The following TARBP1 variants were observed in gnomAD, a reference collection of about 807,000 sequenced individuals.
TARBP1 encodes the protein tRNA (guanosine(18)-2'-O)-methyltransferase TARBP1.
TARBP1 carries 144 observed loss-of-function variants against 178.6 expected under a neutral mutation model. The observed-to-expected ratio is 0.81, with a 90% CI of 0.70 to 0.93. The LOEUF is 0.93. TARBP1 is among the 40% of genes least tolerant of loss of function. The probability of loss-of-function intolerance (pLI) is 0.00; values close to 1 mark genes in which losing one functional copy is unlikely to be tolerated. For missense variants in TARBP1, 2,067 were observed against 2,011.7 expected (o/e 1.03, Z -0.53); for synonymous variants, 787 against 781.0 (o/e 1.01, Z -0.13).
At position 234,460,281 on chromosome 1, in the gene TARBP1, T is replaced by G; in HGVS notation, c.1515A>C (p.Ile505=). 6.2e-7 allele frequency: 1 copy of G among 1,614,082 alleles called. No individual in the cohort carries two copies. Residue 505 remains isoleucine, a synonymous_variant, in exon 7 of 30, where the codon ATA becomes ATC. Transcript: ENST00000040877. Reference sequence around the variant, plus strand: ...ATTACCTGAGAGCAAGAAGCCCATCTATACCCAGGGCCTTATGTCTTGGGA... The same window carrying G: ...ATTACCTGAGAGCAAGAAGCCCATCGATACCCAGGGCCTTATGTCTTGGGA... The part of the protein sequence containing the change: ...ANVPRHKALG[I]DGLLALRDVI...
At chr1:234,476,935 C>T (rs760485877) in intron 1 of TARBP1, among the ~76,000 whole-genome samples, 5 of 152,210 alleles carry the variant, frequency 3.3e-5, no homozygotes, top group Non-Finnish European at 5.9e-5. Context: ...CCTGTAATCC[C>T]AGCGCTTTGG....
intron 14 of TARBP1, among the ~76,000 whole-genome samples, chr1:234,432,716 C>T (rs945647609): frequency 9.3e-5 from 14 of 150,328 alleles, no homozygotes; most frequent in African/African-American, 3.5e-4. Context: ...AGGACACATG[C>T]TTGTGATTTG....
intron 9 of TARBP1, among the ~76,000 whole-genome samples, 188 bp from the exon 10 acceptor site, chr1:234,450,754 ATATT>A (rs1405603743): frequency 6.8e-4 from 102 of 150,618 alleles, no homozygotes; most frequent in Middle Eastern, 6.8e-3. Context: ...ATGTGTATAT[ATATT>A]TATGTATGCG....
intron 24 of TARBP1, among the ~76,000 whole-genome samples, chr1:234,403,358 A>G (rs534283239): frequency 6.6e-6 from 1 of 152,264 alleles, no homozygotes; most frequent in East Asian, 1.9e-4. Context: ...TTTAGATTTT[A>G]ATGTAAACAT....
rs960618970 is a variant in TARBP1, at chr1:234,425,682, T to C, written c.3435A>G (p.Leu1145=). The change falls in exon 20 of 30, where the codon CTA becomes CTG. Residue 1145 remains leucine (L), a synonymous_variant. Transcript: ENST00000040877. ...KLFIEDLAIK[L]LDKDELVSKS... ...AGTAAAATACACTTACTTTATCTAA[T>C]AGCTTGATTGCAAGATCCTCAATAA... 3.7e-6 allele frequency: 6 copies of C among 1,611,810 alleles called. No homozygotes were observed. The highest frequency in any genetic ancestry group is 4.2e-6 in the Non-Finnish European group (5 of 1,179,204).
intron 28 of TARBP1, 32 bp downstream of exon 28, chr1:234,393,330 A>G (rs1159002963): frequency 6.9e-7 from 1 of 1,440,646 alleles, no homozygotes; most frequent in Non-Finnish European, 9.2e-7. Flanking sequence ...GCTTGTTTTA[A>G]GAACTTTAAT....
chr1:234,429,764 TGGGGGGG>T, intron 15 of TARBP1, 87 bp from the exon 16 acceptor site: 1 of 822,938 alleles, frequency 1.2e-6, no homozygotes, highest in Non-Finnish European at 1.8e-6. Context: ...TTTCTAAAGG[TGGGGGGG>T]GGGGGGCAGT....
rs57636903 is a variant in TARBP1, at chr1:234,451,766, A to AAAAAAAACAAAAAAAAAAC, written c.1723-1201_1723-1200insGTTTTTTTTTTGTTTTTTT. Among the ~76,000 whole-genome samples the AAAAAAAACAAAAAAAAAAC allele has an allele frequency of 1.2e-4, 2 of 17,166 alleles. 1 individual carries two copies. Among genetic ancestry groups the AAAAAAAACAAAAAAAAAAC allele is most frequent in the Non-Finnish European group, 1.8e-4 (2 of 11,338 alleles). 11.3% of individuals were successfully genotyped at this position (17,166 alleles called of 152,430 possible). On this transcript the variant is annotated intron_variant, in intron 9 of 29. Coordinates refer to ENST00000040877, the MANE Select transcript of TARBP1 (RefSeq NM_005646.4). ...TCCGTCTCAAAAAAAAAAAAAAAAA[A>AAAAAAAACAAAAAAAAAAC]TGATGAATGACTGGATCATCGAAGT...
At chr1:234,402,779 T>C (rs1270215367) in intron 24 of TARBP1, among the ~76,000 whole-genome samples, 3 of 151,962 alleles carry the variant, frequency 2.0e-5, no homozygotes, top group Non-Finnish European at 2.9e-5. Flanking sequence ...GAGAACGGGG[T>C]TTTGCCATGT....
intron 21 of TARBP1, among the ~76,000 whole-genome samples, 165 bp from the exon 22 acceptor site, chr1:234,418,398 G>T (rs767636259): frequency 1.2e-4 from 18 of 152,178 alleles, no homozygotes; most frequent in Non-Finnish European, 2.4e-4. Context: ...ATATAATGAT[G>T]AAGTACCTTC....
intron 15 of TARBP1, 84 bp from the exon 16 acceptor site, chr1:234,429,761 A>T: frequency 4.2e-5 from 28 of 660,492 alleles, no homozygotes; most frequent in Middle Eastern, 1.0e-3. Context: ...TCCTTTCTAA[A>T]GGTGGGGGGG....
In TARBP1 at chr1:234,429,618, T is replaced by C. The variant is rs781307574; in HGVS notation, c.2669A>G (p.His890Arg). ...GWGKIVAQYIHDQWVCLSFLL... is the reference protein window; with the variant it reads ...GWGKIVAQYIRDQWVCLSFLL... ...GAAAGAGAGGCACACCCATTGATCA[T>C]GAATATATTGTGCAACTATTTTTCC... is the stretch of plus-strand genomic sequence containing the variant. The change falls in exon 16 of 30, where the codon CAT (histidine) becomes CGT (arginine). Residue 890 changes from histidine to arginine, a missense_variant. His to Arg is a conservative substitution (Grantham distance 29). Coordinates refer to ENST00000040877, the MANE Select transcript of TARBP1 (RefSeq NM_005646.4). 1.5e-5 allele frequency: 24 copies of C among 1,613,232 alleles called. No homozygotes were observed. In the East Asian group the frequency reaches 4.7e-4, roughly 31 times the overall value.
intron 12 of TARBP1, among the ~76,000 whole-genome samples, chr1:234,446,033 TATC>T (rs1666135331): frequency 7.1e-6 from 1 of 141,404 alleles, no homozygotes; most frequent in Non-Finnish European, 1.5e-5. Flanking sequence ...GTTCTGCTAC[TATC>T]ATTATAAAAA....
intron 26 of TARBP1, among the ~76,000 whole-genome samples, chr1:234,395,226 G>T (rs906735585): frequency 6.6e-6 from 1 of 151,622 alleles, no homozygotes; most frequent in African/African-American, 2.4e-5. Context: ...GCGAGACTCC[G>T]TCTCAAAGAA....
At chr1:234,402,379 A>C (rs1490486809) in intron 24 of TARBP1, among the ~76,000 whole-genome samples, 2 of 152,056 alleles carry the variant, frequency 1.3e-5, no homozygotes, top group Non-Finnish European at 2.9e-5. Context: ...TGAACTTTCT[A>C]ATATACTATT....
chr1:234,451,403 A>C (rs1310964351), intron 9 of TARBP1, among the ~76,000 whole-genome samples: 2 of 152,196 alleles, frequency 1.3e-5, no homozygotes, highest in Non-Finnish European at 2.9e-5. Flanking sequence ...GGGTTACCCA[A>C]AGTTTACTAT....
chr1:234,406,825 A>C (rs1317053354), intron 23 of TARBP1: 5 of 152,236 alleles, frequency 3.3e-5, no homozygotes, highest in African/African-American at 1.2e-4. Context: ...CCAAACTTTT[A>C]ATGAAATATC....
At chr1:234,460,964 G>A (rs928706377) in intron 6 of TARBP1, among the ~76,000 whole-genome samples, 2 of 152,220 alleles carry the variant, frequency 1.3e-5, no homozygotes. Flanking sequence ...TGATTCCACT[G>A]ACATGAAATG....
intron 12 of TARBP1, among the ~76,000 whole-genome samples, chr1:234,441,898 G>A (rs1166424984): frequency 2.0e-5 from 3 of 151,964 alleles, no homozygotes; most frequent in South Asian, 4.2e-4. Context: ...TCCTTTTTAT[G>A]GCTGAGTATG....
Sources: allele counts gnomAD v4.1 joint callset (sites outside exome capture counted in the v4.1 genomes callset), GRCh38; gene constraint gnomAD v4.1.1; transcripts MANE v1.5; gene names NCBI Gene and HGNC (gene_info 2026-07-23, HGNC 2026-07-21).